ATP10B: variants seen among roughly 807,000 people sequenced by gnomAD.
The protein encoded by ATP10B is phospholipid-transporting ATPase VB.
ATP10B carries 122 observed loss-of-function variants against 141.2 expected under a neutral mutation model. That is an observed-to-expected ratio of 0.86 (90% CI 0.75 to 1.00). The LOEUF is 1.00. Ranked by LOEUF, ATP10B falls within the 50% of genes least tolerant of loss-of-function variation. The pLI is 0.00. For synonymous variants in ATP10B, 685 were observed against 692.0 expected (o/e 0.99, Z 0.16); for missense variants, 1,876 against 1,825.3 (o/e 1.03, Z -0.51).
At chr5:160,914,774 T>C in the ATP10B span, among the ~76,000 whole-genome samples, 1 of 152,130 alleles carries the variant, frequency 6.6e-6, no homozygotes, top group Admixed American at 6.5e-5. Flanking sequence ...ATGGAGGAGG[T>C]AGACTTTCTG....
At chr5:160,671,229 A>G (rs1275589254) in intron 6 of ATP10B, among the ~76,000 whole-genome samples, 1 of 150,496 alleles carries the variant, frequency 6.6e-6, no homozygotes, top group African/African-American at 2.4e-5. Flanking sequence ...ATGAACATTT[A>G]GAATTTTTCT....
chr5:160,818,650 T>C (rs959699426), intron 1 of ATP10B, among the ~76,000 whole-genome samples: 81 of 152,354 alleles, frequency 5.3e-4, no homozygotes, highest in African/African-American at 1.7e-3. Flanking sequence ...CATTACTGGG[T>C]ATATACCCAA....
chr5:160,882,953 A>T, the ATP10B span, among the ~76,000 whole-genome samples: 1 of 152,200 alleles, frequency 6.6e-6, no homozygotes, highest in East Asian at 1.9e-4. Context: ...CTGCCAAAAA[A>T]AATGAAATAT....
At chr5:160,649,127 G>A (rs749553394) in intron 8 of ATP10B, 44 bp downstream of exon 8, 12 of 1,357,050 alleles carry the variant, frequency 8.8e-6, no homozygotes, top group African/African-American at 1.4e-5. Context: ...TTTTCTAGCT[G>A]CAGCGGAGAT....
At chr5:160,924,962 G>A in the ATP10B span, among the ~76,000 whole-genome samples, 1 of 152,052 alleles carries the variant, frequency 6.6e-6, no homozygotes, top group African/African-American at 2.4e-5. Flanking sequence ...AGAAAGTTCT[G>A]GTCAATCTGG....
intron 1 of ATP10B, among the ~76,000 whole-genome samples, chr5:160,849,992 G>A (rs903726351): frequency 2.6e-5 from 4 of 152,172 alleles, no homozygotes; most frequent in African/African-American, 9.7e-5. Context: ...TTTAAGGAGA[G>A]TGGGTAAATG....
chr5:160,763,277 A>G (rs1769176563), intron 2 of ATP10B, among the ~76,000 whole-genome samples: 2 of 152,188 alleles, frequency 1.3e-5, no homozygotes, highest in African/African-American at 4.8e-5. Context: ...TCATCAGCAT[A>G]TGGAACATTC....
intron 2 of ATP10B, among the ~76,000 whole-genome samples, chr5:160,766,007 A>T (rs1413234383): frequency 6.6e-6 from 1 of 152,188 alleles, no homozygotes; most frequent in African/African-American, 2.4e-5. Context: ...ACGATGTGAT[A>T]CCTCGTTACC....
the ATP10B span, among the ~76,000 whole-genome samples, chr5:160,879,386 T>A: frequency 2.3e-5 from 2 of 87,176 alleles, no homozygotes; most frequent in Non-Finnish European, 2.2e-5. Context: ...GGGACTGTGG[T>A]GGGGTGGGGG....
intron 8 of ATP10B, among the ~76,000 whole-genome samples, chr5:160,647,056 T>C (rs1349123671): frequency 6.6e-6 from 1 of 152,194 alleles, no homozygotes; most frequent in Non-Finnish European, 1.5e-5. Context: ...GGTGGTTTTG[T>C]TGTTGGTGGT....
intron 22 of ATP10B, among the ~76,000 whole-genome samples, chr5:160,595,036 A>G (rs918588993): frequency 6.6e-6 from 1 of 151,290 alleles, no homozygotes; most frequent in Non-Finnish European, 1.5e-5. Context: ...CTCTGCACCA[A>G]GCAGACCTAA....
chr5:160,676,543 G>C (rs973519651), intron 6 of ATP10B, among the ~76,000 whole-genome samples: 1 of 152,144 alleles, frequency 6.6e-6, no homozygotes, highest in African/African-American at 2.4e-5. Context: ...TAAGAGCTGC[G>C]ATGATCCTGG....
intron 2 of ATP10B, among the ~76,000 whole-genome samples, chr5:160,750,009 G>A (rs763988405): frequency 2.0e-5 from 3 of 152,148 alleles, no homozygotes; most frequent in Non-Finnish European, 2.9e-5. Context: ...CTTCTTTTAC[G>A]GGTATGGCTC....
Position 160,600,780 on chromosome 5 carries a change from C to T in ATP10B, c.3363+1797G>A, listed in dbSNP as rs10515814. On this transcript the variant is annotated intron_variant, in intron 21 of 25. Coordinates refer to ENST00000327245, the MANE Select transcript of ATP10B (RefSeq NM_025153.3). ...CTCTTTCTCTCAAGAAGCTACAGTG[C>T]GGTAATTAATTCATTGTTCAAATTT... Among the ~76,000 whole-genome samples the T allele has an allele frequency of 9.8e-3, 1,499 of 152,282 alleles. 37 individuals are homozygous for T. Among genetic ancestry groups the T allele is most frequent in the Admixed American group, 0.057 (877 of 15,292 alleles).
chr5:160,659,338 AC>A (rs1273551005), intron 7 of ATP10B, among the ~76,000 whole-genome samples: 2 of 151,908 alleles, frequency 1.3e-5, no homozygotes, highest in Non-Finnish European at 2.9e-5. Flanking sequence ...GGTAGTGGGC[AC>A]CTGTAATCCC....
At chr5:160,754,260 A>G (rs1477776870) in intron 2 of ATP10B, among the ~76,000 whole-genome samples, 1 of 152,202 alleles carries the variant, frequency 6.6e-6, no homozygotes, top group East Asian at 1.9e-4. Context: ...CACTGTCCAT[A>G]TAAATTCTTA....
At chr5:160,824,161 A>ACAGGC (rs1774397209) in intron 1 of ATP10B, among the ~76,000 whole-genome samples, 2 of 151,814 alleles carry the variant, frequency 1.3e-5, no homozygotes, top group African/African-American at 4.8e-5. Context: ...AGCTGGGACT[A>ACAGGC]GCCCGCCACC....
At chr5:160,901,141 G>C in the ATP10B span, among the ~76,000 whole-genome samples, 2 of 151,896 alleles carry the variant, frequency 1.3e-5, no homozygotes, top group African/African-American at 4.8e-5. Flanking sequence ...CCTCTGTCTG[G>C]GGAATGCTTT....
intron 2 of ATP10B, among the ~76,000 whole-genome samples, chr5:160,732,403 T>C (rs556728267): frequency 6.6e-6 from 1 of 152,348 alleles, no homozygotes; most frequent in South Asian, 2.1e-4. Context: ...GCTTTTCCTA[T>C]GTTTTCTTCT....
Sources: gnomAD v4.1 joint callset for allele counts (sites outside exome capture counted in the v4.1 genomes callset) on GRCh38, gnomAD v4.1.1 for gene constraint, MANE v1.5 for transcripts, NCBI Gene and HGNC (gene_info 2026-07-23, HGNC 2026-07-21) for gene names.